Variants in SCN7A observed in about 807,000 individuals in gnomAD.
SCN7A encodes sodium voltage-gated channel alpha subunit 7.
A neutral mutation model predicts 155.2 loss-of-function variants in SCN7A; 138 were observed. The ratio of observed to expected loss-of-function variants is 0.89; its 90% CI spans 0.77 to 1.02. The LOEUF is 1.02. SCN7A is among the 50% of genes least tolerant of loss of function. SCN7A has a pLI of 0.00. For missense variants in SCN7A, 2,058 were observed against 1,986.6 expected, an observed-to-expected ratio of 1.04 and a Z score of -0.68; for synonymous variants, 693 against 649.0, an observed-to-expected ratio of 1.07 and a Z score of -1.03.
chr2:166,465,322 A>C, intron 9 of SCN7A, 140 bp downstream of exon 9: 2 of 673,310 alleles, frequency 3.0e-6, no homozygotes, highest in Non-Finnish European at 5.1e-6. Flanking sequence ...TGAGTAGACT[A>C]AGACAACTTC....
At chr2:166,459,160 A>C (rs1702348172) in intron 10 of SCN7A, among the ~76,000 whole-genome samples, 1 of 152,140 alleles carries the variant, frequency 6.6e-6, no homozygotes, top group Non-Finnish European at 1.5e-5. Flanking sequence ...AATGAAAATC[A>C]GATAGGAAAA....
At chr2:166,414,848 G>T (rs1701327372) in intron 21 of SCN7A, 1 of 116,038 alleles carries the variant, frequency 8.6e-6, no homozygotes, top group Non-Finnish European at 1.7e-5. Context: ...ATAATATATA[G>T]GATATATAAT....
At chr2:166,464,288 T>C (rs556995578) in intron 9 of SCN7A, among the ~76,000 whole-genome samples, 65 of 151,846 alleles carry the variant, frequency 4.3e-4, no homozygotes, top group African/African-American at 1.4e-3. Context: ...ACCATATAAC[T>C]CATGCTCTCC....
At chr2:166,424,778 G>A (rs1422531142) in intron 18 of SCN7A, among the ~76,000 whole-genome samples, 3 of 151,972 alleles carry the variant, frequency 2.0e-5, no homozygotes, top group Non-Finnish European at 4.4e-5. Context: ...GGCTCCCATC[G>A]TAGATGGGAA....
chr2:166,427,647 C>A (rs1575016831), intron 18 of SCN7A, 141 bp downstream of exon 18: 1 of 560,264 alleles, frequency 1.8e-6, no homozygotes, highest in East Asian at 3.0e-5. Flanking sequence ...GATTTTAAAT[C>A]ACAGATTATG....
At chr2:166,414,255 GAT>G (rs1559088621) in intron 21 of SCN7A, among the ~76,000 whole-genome samples, 3 of 53,994 alleles carry the variant, frequency 5.6e-5, no homozygotes, top group African/African-American at 2.4e-4. Flanking sequence ...AATATATATA[GAT>G]ATATATACAC....
chr2:166,465,114 C>A (rs1260725565), intron 9 of SCN7A, among the ~76,000 whole-genome samples: 3 of 152,074 alleles, frequency 2.0e-5, no homozygotes, highest in African/African-American at 7.2e-5. Flanking sequence ...AGAGAAAAGG[C>A]CTGAGAGAAA....
chr2:166,475,055 C>T (rs891700536), intron 3 of SCN7A, among the ~76,000 whole-genome samples: 3 of 107,886 alleles, frequency 2.8e-5, no homozygotes, highest in Non-Finnish European at 4.1e-5. Context: ...TGTAAATGAG[C>T]AAGTTTGCAT....
At chr2:166,412,419 A>G in intron 23 of SCN7A, 111 bp downstream of exon 23, 1 of 1,146,766 alleles carries the variant, frequency 8.7e-7, no homozygotes, top group South Asian at 3.0e-5. Flanking sequence ...GTCAAATAAA[A>G]ATGACATTAA....
At chr2:166,453,675 T>C (rs1402751299) in intron 11 of SCN7A, among the ~76,000 whole-genome samples, 3 of 152,176 alleles carry the variant, frequency 2.0e-5, no homozygotes, top group Non-Finnish European at 2.9e-5. Flanking sequence ...TAAATTAGGC[T>C]GAAATCCATA....
intron 25 of SCN7A, among the ~76,000 whole-genome samples, chr2:166,407,995 G>C (rs568505785): frequency 6.6e-6 from 1 of 152,014 alleles, no homozygotes; most frequent in South Asian, 2.1e-4. Context: ...TCCTGTTTCA[G>C]TTTTCAGAGG....
Position 166,405,455 on chromosome 2 carries a change from T to G in SCN7A, c.*125A>C, listed in dbSNP as rs1039212019. The G allele has an allele frequency of 4.0e-5, 29 of 722,990 alleles. No individual in the cohort carries two copies. In the South Asian group the frequency reaches 5.4e-4, roughly 14 times the overall value. The allele number at this position is 722,990 out of a possible 1,614,324, so 44.8% of individuals were successfully genotyped here. A position where few individuals can be genotyped will look rare whatever the true frequency, so the allele number is the denominator to read the frequency against. On this transcript the variant is annotated 3_prime_UTR_variant, in exon 26 of 26. Transcript: ENST00000643258. Reference sequence around the variant, plus strand: ...TGAATTTGGCATGAAGTCTTGTGAATACAAGCTTAATTACCATCGGTTGTA... The same window carrying G: ...TGAATTTGGCATGAAGTCTTGTGAAGACAAGCTTAATTACCATCGGTTGTA...
intron 6 of SCN7A, among the ~76,000 whole-genome samples, chr2:166,472,114 C>A (rs915405710): frequency 1.3e-5 from 2 of 151,506 alleles, no homozygotes; most frequent in Non-Finnish European, 3.0e-5. Flanking sequence ...CCCTCCCCCT[C>A]CCCCCACTCC....
intron 9 of SCN7A, among the ~76,000 whole-genome samples, chr2:166,464,609 T>C (rs1428015124): frequency 6.6e-6 from 1 of 152,166 alleles, no homozygotes; most frequent in African/African-American, 2.4e-5. Flanking sequence ...AATATCAGCG[T>C]ATCTTTTTAA....
At chr2:166,450,499 T>G (rs1416786048) in intron 11 of SCN7A, among the ~76,000 whole-genome samples, 1 of 151,898 alleles carries the variant, frequency 6.6e-6, no homozygotes, top group African/African-American at 2.4e-5. Context: ...AAAAAAAAAG[T>G]AATCTAAAAG....
chr2:166,445,671 G>A (rs551383061), intron 12 of SCN7A, among the ~76,000 whole-genome samples: 2 of 152,206 alleles, frequency 1.3e-5, no homozygotes, highest in African/African-American at 4.8e-5. Flanking sequence ...TCATCTCGGT[G>A]TGAGACAACT....
rs200727873 is a variant in SCN7A at position 166,432,312 on chromosome 2, T to C, written c.2592+6A>G. ...ACTAAGCAATCAGGATATTTAAACA[T>C]CTTACCTCTTTGCTGCCTCCATCAC... is the stretch of plus-strand genomic sequence containing the variant. On this transcript the variant is annotated splice_donor_region_variant and intron_variant, in intron 16 of 25. Coordinates refer to ENST00000643258, the MANE Select transcript of SCN7A (RefSeq NM_002976.4). The C allele has an allele frequency of 2.5e-6, 4 of 1,592,634 alleles. No homozygotes were observed. Among genetic ancestry groups the C allele is most frequent in the African/African-American group, 2.7e-5 (2 of 73,982 alleles).
Position 166,410,298 on chromosome 2 carries a change from C to A in SCN7A, c.3633G>T (p.Thr1211=). The change falls in exon 24 of 26, where the codon ACG becomes ACT. Residue 1211 remains threonine, a synonymous_variant. Transcript: ENST00000643258. ...IKLGGSNIFI[T]VKQRKQYRRL... is the part of the protein sequence containing the mutation. ...TGCGGTACTGTTTTCTCTGTTTAAC[C>A]GTTATAAAGATATTTGAGCCTCCCA... The A allele has an allele frequency of 1.3e-6, 2 of 1,548,358 alleles. No individual in the cohort carries two copies. Among genetic ancestry groups the A allele is most frequent in the East Asian group, 2.4e-5 (1 of 41,198 alleles).
chr2:166,414,611 T>C (rs997136257), intron 21 of SCN7A: 2 of 143,844 alleles, frequency 1.4e-5, no homozygotes, highest in African/African-American at 5.1e-5. Context: ...TACATGGGCA[T>C]GGTCTGGGCT....
Sources: allele counts gnomAD v4.1 joint callset (sites outside exome capture counted in the v4.1 genomes callset), GRCh38; gene constraint gnomAD v4.1.1; transcripts MANE v1.5; gene names NCBI Gene and HGNC (gene_info 2026-07-23, HGNC 2026-07-21).